Variants in NEK6 observed in about 807,000 individuals in gnomAD.
NEK6 encodes NIMA related kinase 6, also known as serine/threonine-protein kinase Nek6.
In NEK6, 27 loss-of-function variants were observed where a neutral mutation model predicts 43.5. That is an observed-to-expected ratio of 0.62 (90% CI 0.46 to 0.86). The LOEUF is 0.86. Ranked by LOEUF, NEK6 falls within the 40% of genes least tolerant of loss-of-function variation. The probability of loss-of-function intolerance (pLI) is 0.00; values close to 1 mark genes in which losing one functional copy is unlikely to be tolerated. For missense variants in NEK6, 318 were observed against 414.4 expected, an observed-to-expected ratio of 0.77 and a Z score of 2.02; for synonymous variants, 167 against 164.1, an observed-to-expected ratio of 1.02 and a Z score of -0.14.
chr9:124,258,438 C>A, intron 1 of NEK6: 3 of 772,196 alleles, frequency 3.9e-6, no homozygotes, highest in Non-Finnish European at 4.7e-6. Flanking sequence ...GAGGAGTGTG[C>A]CGGGCGCCGC....
At chr9:124,322,213 T>C (rs1307752934) in intron 5 of NEK6, among the ~76,000 whole-genome samples, 1 of 152,092 alleles carries the variant, frequency 6.6e-6, no homozygotes, top group Non-Finnish European at 1.5e-5. Context: ...GGAACTTCAT[T>C]TCCATGTTAG....
intron 3 of NEK6, among the ~76,000 whole-genome samples, 190 bp from the exon 4 acceptor site, chr9:124,313,733 T>A (rs1191997328): frequency 1.3e-5 from 2 of 151,962 alleles, no homozygotes; most frequent in Admixed American, 1.3e-4. Context: ...CGATGGGTTT[T>A]GTGGTGGGAC....
chr9:124,279,935 C>T (rs115914592), intron 1 of NEK6, among the ~76,000 whole-genome samples: 1 of 152,378 alleles, frequency 6.6e-6, no homozygotes, highest in African/African-American at 2.4e-5. Flanking sequence ...CAGCACATGG[C>T]TTCACAAGCT....
Position 124,257,949 on chromosome 9 carries a change from G to A in NEK6, c.-166G>A, listed in dbSNP as rs1830869952. On this transcript the variant is annotated 5_prime_UTR_variant, in exon 1 of 10. Transcript: ENST00000320246. ...CGCGCGGGCGCGCGGGCCCGCGCAG[G>A]CGGTGGCGGCGGCGGCGGAACCGAG... The A allele has an allele frequency of 3.1e-6, 3 of 978,638 alleles. No individual in the cohort carries two copies. The highest frequency in any genetic ancestry group is 3.6e-6 in the Non-Finnish European group (3 of 827,244). 60.6% of individuals were successfully genotyped at this position (978,638 alleles called of 1,614,324 possible). A position where few individuals can be genotyped will look rare whatever the true frequency, so the allele number is the denominator to read the frequency against.
chr9:124,334,077 C>A (rs1718293115), intron 7 of NEK6, among the ~76,000 whole-genome samples: 2 of 152,162 alleles, frequency 1.3e-5, no homozygotes, highest in Non-Finnish European at 2.9e-5. Context: ...ACGCCCGGCC[C>A]AAGTCCATTC....
At chr9:124,327,476 C>T (rs373724604) in intron 7 of NEK6, 31 bp downstream of exon 7, 2 of 1,543,356 alleles carry the variant, frequency 1.3e-6, no homozygotes, top group Admixed American at 1.7e-5. Context: ...CCCCAGCAGC[C>T]CCCAGCGGTC....
chr9:124,286,417 G>T (rs1368819323), intron 1 of NEK6: 1 of 152,192 alleles, frequency 6.6e-6, no homozygotes, highest in Non-Finnish European at 1.5e-5. Flanking sequence ...TGACAGGGAG[G>T]TGGCCCCACC....
At chr9:124,346,610 CCA>C (rs1318501865) in intron 8 of NEK6, among the ~76,000 whole-genome samples, 1 of 152,162 alleles carries the variant, frequency 6.6e-6, no homozygotes. Flanking sequence ...AGGCAGGCAG[CCA>C]CAGTGAGCTG....
At chr9:124,313,893 A>C in intron 3 of NEK6, 30 bp from the exon 4 acceptor site, 3 of 1,612,824 alleles carry the variant, frequency 1.9e-6, no homozygotes, top group Non-Finnish European at 2.5e-6. Flanking sequence ...GATTGTAACC[A>C]CTCTATTTCT....
chr9:124,328,310 C>A (rs557280593), intron 7 of NEK6, among the ~76,000 whole-genome samples: 2 of 152,140 alleles, frequency 1.3e-5, no homozygotes, highest in African/African-American at 4.8e-5. Context: ...GTCTCCTGTG[C>A]GTTACTACAA....
At chr9:124,308,133 G>A (rs1833353140) in intron 2 of NEK6, among the ~76,000 whole-genome samples, 1 of 152,328 alleles carries the variant, frequency 6.6e-6, no homozygotes, top group East Asian at 1.9e-4. Flanking sequence ...AGTTTCCAAA[G>A]AGGAAACTGA....
intron 1 of NEK6, among the ~76,000 whole-genome samples, chr9:124,287,022 C>T (rs577228995): frequency 6.6e-6 from 1 of 152,236 alleles, no homozygotes; most frequent in East Asian, 1.9e-4. Flanking sequence ...CCACCTGCTG[C>T]CCCCCGGCTG....
chr9:124,345,051 C>T (rs1347763982), intron 8 of NEK6, among the ~76,000 whole-genome samples: 1 of 152,242 alleles, frequency 6.6e-6, no homozygotes, highest in Admixed American at 6.5e-5. Flanking sequence ...TCAGATCACA[C>T]ACCAGCTTCT....
intron 1 of NEK6, among the ~76,000 whole-genome samples, chr9:124,272,148 A>G (rs913269513): frequency 1.3e-5 from 2 of 152,172 alleles, no homozygotes; most frequent in African/African-American, 4.8e-5. Flanking sequence ...GTTGATGGTA[A>G]ACGACATGGT....
At chr9:124,258,196 C>T in intron 1 of NEK6, 111 bp downstream of exon 1, 2 of 975,424 alleles carry the variant, frequency 2.1e-6, no homozygotes, top group Non-Finnish European at 2.4e-6. Flanking sequence ...GGGCGCGCGC[C>T]CACGGCTCCG....
chr9:124,281,364 T>G (rs1831895603), intron 1 of NEK6, among the ~76,000 whole-genome samples: 1 of 152,164 alleles, frequency 6.6e-6, no homozygotes, highest in African/African-American at 2.4e-5. Flanking sequence ...CTGAGTCCAC[T>G]GGTTCCCAAA....
chr9:124,275,141 A>T lies in NEK6; in HGVS notation c.-30+17056A>T, dbSNP rs570065977. Among the ~76,000 whole-genome samples, 1 of 152,188 alleles carries T rather than the reference A, an allele frequency of 6.6e-6. No homozygotes were observed. The highest frequency in any genetic ancestry group is 1.5e-5 in the Non-Finnish European group (1 of 68,030). ...AGCACACAGTGGGAATTCCACAGAT[A>T]ACAGAAGGAAGGATTGATGAAGGCT... On this transcript the variant is annotated intron_variant, in intron 1 of 9. Transcript: ENST00000320246. The surrounding 1 kb of genome is among the most constrained non-coding windows in gnomAD (Gnocchi z 4.4).
intron 4 of NEK6, among the ~76,000 whole-genome samples, chr9:124,320,315 G>T (rs1834003711): frequency 6.6e-6 from 1 of 152,228 alleles, no homozygotes; most frequent in South Asian, 2.1e-4. Flanking sequence ...AGCCTGCTCT[G>T]GCCCCCAGGG....
chr9:124,302,493 C>G lies in NEK6; in HGVS notation c.90+439C>G, dbSNP rs1363086718. Among the ~76,000 whole-genome samples the G allele has an allele frequency of 2.6e-5, 4 of 152,206 alleles. No homozygotes were observed. In the East Asian group the frequency reaches 5.8e-4, roughly 22 times the overall value. ...ATTTTGGTCTTAACTGTGTTTCAGC[C>G]CCCTTCAGCCTCTTCTAGAACCAGC... On this transcript the variant is annotated intron_variant, in intron 2 of 9. Coordinates refer to ENST00000320246, the MANE Select transcript of NEK6 (RefSeq NM_014397.6).
Sources: gnomAD v4.1 joint callset for allele counts (sites outside exome capture counted in the v4.1 genomes callset) on GRCh38, gnomAD v4.1.1 for gene constraint, Gnocchi (gnomAD v3.1) non-coding constraint, MANE v1.5 for transcripts, NCBI Gene and HGNC (gene_info 2026-07-23, HGNC 2026-07-21) for gene names.